The following PTPRN2 variants were observed in gnomAD, a reference collection of about 807,000 sequenced individuals.
PTPRN2 encodes the protein protein tyrosine phosphatase receptor type N2, also known as receptor-type tyrosine-protein phosphatase N2.
In PTPRN2, 74 loss-of-function variants were observed where a neutral mutation model predicts 118.8. The ratio of observed to expected loss-of-function variants is 0.62; its 90% CI spans 0.52 to 0.76. PTPRN2 has a LOEUF of 0.76. PTPRN2 is among the 30% of genes least tolerant of loss of function. The pLI, the probability that PTPRN2 is intolerant of heterozygous loss-of-function variation, is 0.00. For synonymous variants in PTPRN2, 641 were observed against 608.0 expected, an observed-to-expected ratio of 1.05 and a Z score of -0.80; for missense variants, 1,481 against 1,394.4, an observed-to-expected ratio of 1.06 and a Z score of -0.99.
intron 3 of PTPRN2, among the ~76,000 whole-genome samples, chr7:158,275,842 C>T (rs1174383832): frequency 1.3e-5 from 2 of 152,174 alleles, no homozygotes; most frequent in Admixed American, 1.3e-4. Context: ...TGGCCTCCTC[C>T]CTCCATCAGC....
At chr7:158,513,791 G>C (rs1374579549) in intron 1 of PTPRN2, among the ~76,000 whole-genome samples, 1 of 152,228 alleles carries the variant, frequency 6.6e-6, no homozygotes, top group African/African-American at 2.4e-5. Context: ...GGTCATTTGT[G>C]CCGGGCAGCG....
rs947763694 is a variant in PTPRN2 at position 158,570,689 on chromosome 7, C to T, written c.112+16869G>A. Among the ~76,000 whole-genome samples, 7 of 152,224 alleles carry T rather than the reference C, an allele frequency of 4.6e-5. No individual in the cohort carries two copies. The highest frequency in any genetic ancestry group is 1.0e-4 in the Non-Finnish European group (7 of 68,034). ...AACACGTGTATACCGGCTCAGCACGCGGCTGGGTACGGTTTGCAACGCCGA... is the reference window on the plus strand; with the variant it reads ...AACACGTGTATACCGGCTCAGCACGTGGCTGGGTACGGTTTGCAACGCCGA... On this transcript the variant is annotated intron_variant, in intron 1 of 22. Transcript: ENST00000389418. The surrounding 1 kb of genome is among the most constrained non-coding windows in gnomAD (Gnocchi z 4.5).
At chr7:157,937,117 G>T (rs935577068) in intron 11 of PTPRN2, among the ~76,000 whole-genome samples, 1 of 152,152 alleles carries the variant, frequency 6.6e-6, no homozygotes, top group Non-Finnish European at 1.5e-5. Flanking sequence ...CCGGACCCCT[G>T]AACACCGTGG....
At position 157,571,521 on chromosome 7, in the gene PTPRN2, TC is replaced by T. The variant is rs1799757807; in HGVS notation, c.2784-29del. 1.9e-6 allele frequency: 3 copies of T among 1,564,062 alleles called. No homozygotes were observed. In the African/African-American group the frequency reaches 4.1e-5, roughly 21 times the overall value. On this transcript the variant is annotated intron_variant, in intron 19 of 22. Transcript: ENST00000389418. ...GAAATAAAAAGAGATATAAAAATTA[TC>T]GTTGTGTACTAAGACTTTGCGTTAT...
At position 157,571,262 on chromosome 7, in the gene PTPRN2, C is replaced by T. The variant is rs1264600168; in HGVS notation, c.2837+178G>A. On this transcript the variant is annotated intron_variant, in intron 20 of 22. Transcript: ENST00000389418. ...GTTTATACAGACATAATACAAGCAACGCCCAATTGTATTTACCCAAATGGC... is the reference window on the plus strand; with the variant it reads ...GTTTATACAGACATAATACAAGCAATGCCCAATTGTATTTACCCAAATGGC... Among the ~76,000 whole-genome samples, 6 of 146,982 alleles carry T rather than the reference C, an allele frequency of 4.1e-5. No homozygotes were observed. In the South Asian group the frequency reaches 6.4e-4, roughly 16 times the overall value.
intron 2 of PTPRN2, among the ~76,000 whole-genome samples, chr7:158,440,813 TAGTA>T (rs1563294545): frequency 3.4e-5 from 1 of 29,836 alleles, no homozygotes; most frequent in Non-Finnish European, 7.8e-5. Flanking sequence ...GTGATGGTGG[TAGTA>T]GTAGTGGTGG....
At chr7:158,385,691 A>G (rs1811277554) in intron 2 of PTPRN2, among the ~76,000 whole-genome samples, 2 of 152,200 alleles carry the variant, frequency 1.3e-5, no homozygotes, top group African/African-American at 4.8e-5. Context: ...GCACAAGTTC[A>G]GGCCTGCTAC....
In PTPRN2 at chr7:158,316,902, G is replaced by A. The variant is rs753877997; in HGVS notation, c.194C>T (p.Pro65Leu). Residue 65 changes from proline (P) to leucine (L), a missense_variant, in exon 3 of 23, where the codon CCG (proline) becomes CTG (leucine). Around this residue, in one of 3 missense-constraint regions of PTPRN2, gnomAD observed 1,115 missense variants for 994.2 expected, o/e 1.12. Transcript: ENST00000389418. ...DGVFGRCQKV[P>L]AMDFYRYEVS... ...CTCGTAGCGGTAAAAGTCCATTGCC[G>A]GAACCTTCTGGCACCTTCCAAACAC... The A allele has an allele frequency of 1.4e-5, 23 of 1,612,506 alleles. No homozygotes were observed. The highest frequency in any genetic ancestry group is 4.4e-5 in the South Asian group (4 of 91,044).
chr7:157,862,234 T>C (rs1367165921), intron 12 of PTPRN2, among the ~76,000 whole-genome samples: 2 of 152,276 alleles, frequency 1.3e-5, no homozygotes, highest in Non-Finnish European at 2.9e-5. Flanking sequence ...AACAGTCCTA[T>C]GTCCACGGAA....
At chr7:157,667,625 A>C (rs1049149798) in intron 13 of PTPRN2, among the ~76,000 whole-genome samples, 3 of 152,212 alleles carry the variant, frequency 2.0e-5, no homozygotes, top group African/African-American at 7.2e-5. Flanking sequence ...CCTCCCTCTC[A>C]GTAAAACTAG....
intron 2 of PTPRN2, among the ~76,000 whole-genome samples, chr7:158,448,848 G>A (rs909341825): frequency 6.6e-6 from 1 of 152,230 alleles, no homozygotes; most frequent in Admixed American, 6.5e-5. Context: ...CAATGGTCAG[G>A]AGCAACGGCG....
At chr7:157,652,879 C>A (rs112104067) in intron 14 of PTPRN2, among the ~76,000 whole-genome samples, 1 of 152,222 alleles carries the variant, frequency 6.6e-6, no homozygotes, top group African/African-American at 2.4e-5. Context: ...TCTGTTACTC[C>A]GGGTCTCCAG....
chr7:158,163,794 T>C (rs1018233909), intron 6 of PTPRN2, among the ~76,000 whole-genome samples: 1 of 152,182 alleles, frequency 6.6e-6, no homozygotes, highest in Non-Finnish European at 1.5e-5. Flanking sequence ...ATTTCATAGG[T>C]GACGCCTGTA....
chr7:158,540,916 G>A (rs895971002), intron 1 of PTPRN2, among the ~76,000 whole-genome samples: 29 of 152,262 alleles, frequency 1.9e-4, no homozygotes, highest in East Asian at 1.9e-4. Flanking sequence ...AGTATTTACC[G>A]AGCGCCAAGC....
intron 11 of PTPRN2, among the ~76,000 whole-genome samples, chr7:157,902,206 G>T (rs1338999981): frequency 3.3e-5 from 5 of 152,360 alleles, no homozygotes; most frequent in Admixed American, 6.5e-5. Context: ...CCAGGAACGC[G>T]CTGCAGCAGA....
At chr7:158,143,941 C>T (rs959766903) in intron 6 of PTPRN2, among the ~76,000 whole-genome samples, 4 of 152,108 alleles carry the variant, frequency 2.6e-5, no homozygotes, top group South Asian at 2.1e-4. Flanking sequence ...CCGTCCCCCC[C>T]GCAGCCGGAG....
In PTPRN2 at chr7:158,534,511, C is replaced by T. The variant is rs117910253; in HGVS notation, c.113-44726G>A. Among the ~76,000 whole-genome samples the T allele has an allele frequency of 4.1e-4, 63 of 152,316 alleles. 1 individual carries two copies. The East Asian group carries it at 8.7e-3, about 21-fold the overall frequency. ...TGTGTGCTGCTCTTCATTTCCCAAACGCAGTGGGATCAGGCCTGGCTGGAT... is the reference window on the plus strand; with the variant it reads ...TGTGTGCTGCTCTTCATTTCCCAAATGCAGTGGGATCAGGCCTGGCTGGAT... On this transcript the variant is annotated intron_variant, in intron 1 of 22. Coordinates refer to ENST00000389418, the MANE Select transcript of PTPRN2 (RefSeq NM_002847.5).
At chr7:158,333,883 A>T (rs1255316239) in intron 2 of PTPRN2, among the ~76,000 whole-genome samples, 427 of 140,020 alleles carry the variant, frequency 3.0e-3, no homozygotes, top group African/African-American at 0.011. Flanking sequence ...CCACACTCTC[A>T]CCATAAGAGC....
intron 11 of PTPRN2, among the ~76,000 whole-genome samples, chr7:158,072,684 G>GTAAC (rs1450049227): frequency 4.6e-5 from 7 of 152,206 alleles, no homozygotes; most frequent in African/African-American, 1.7e-4. Flanking sequence ...GCTCACCAAG[G>GTAAC]TGACTCTGTG....
Sources: gnomAD v4.1 joint callset for allele counts (sites outside exome capture counted in the v4.1 genomes callset) on GRCh38, gnomAD v4.1.1 for gene constraint, gnomAD v4.1.1 regional missense constraint, Gnocchi (gnomAD v3.1) non-coding constraint, MANE v1.5 for transcripts, NCBI Gene and HGNC (gene_info 2026-07-23, HGNC 2026-07-21) for gene names.